The following NRXN1 variants were observed in gnomAD, a reference collection of about 807,000 sequenced individuals.
NRXN1 encodes the protein neurexin-1.
A neutral mutation model predicts 150.9 loss-of-function variants in NRXN1; 39 were observed. The observed-to-expected ratio is 0.26, with a 90% CI of 0.20 to 0.34. NRXN1 has a LOEUF of 0.34. Among genes scored for constraint, NRXN1 ranks in the 10% least tolerant of loss-of-function variants. The pLI is 1.00. For missense variants in NRXN1, 1,815 were observed against 1,949.9 expected (o/e 0.93, Z 1.30); for synonymous variants, 924 against 757.0 (o/e 1.22, Z -3.62).
intron 5 of NRXN1, among the ~76,000 whole-genome samples, chr2:50,891,528 C>T (rs1389357757): frequency 6.6e-6 from 1 of 152,028 alleles, no homozygotes; most frequent in African/African-American, 2.4e-5. Flanking sequence ...GAGGATTATG[C>T]TGTTTGAAAG....
chr2:50,706,230 G>T (rs866146106), intron 5 of NRXN1, among the ~76,000 whole-genome samples: 2 of 152,114 alleles, frequency 1.3e-5, no homozygotes, highest in Admixed American at 6.5e-5. Context: ...AGTAATGTAA[G>T]TGAACTCTCA....
chr2:50,702,432 A>G (rs1693877149), intron 5 of NRXN1, among the ~76,000 whole-genome samples: 1 of 152,154 alleles, frequency 6.6e-6, no homozygotes, highest in Admixed American at 6.5e-5. Context: ...ATCTGAAAGA[A>G]TGACAAATAG....
intron 17 of NRXN1, among the ~76,000 whole-genome samples, chr2:50,316,622 C>A (rs1162137507): frequency 6.6e-6 from 1 of 152,092 alleles, no homozygotes; most frequent in East Asian, 1.9e-4. Flanking sequence ...ATGAAACCCA[C>A]TCTTAAAGGT....
rs1176656152 is a variant in NRXN1 at position 50,531,260 on chromosome 2, C to A, written c.2314G>T (p.Asp772Tyr). The A allele has an allele frequency of 1.2e-6, 2 of 1,613,406 alleles. No homozygotes were observed. Among genetic ancestry groups the A allele is most frequent in the Admixed American group, 1.7e-5 (1 of 59,950 alleles). The change falls in exon 11 of 23, where the codon GAC (aspartate) becomes TAC (tyrosine). Residue 772 changes from aspartate to tyrosine, a missense_variant. This residue lies in a region of NRXN1 where 638 missense variants were observed against 652.6 expected (regional missense o/e 0.98). Coordinates refer to ENST00000401669, the MANE Select transcript of NRXN1 (RefSeq NM_001330078.2). ...DSADTLRLEL[D>Y]AGRVKLTVNL... ...ACCGTCAGTTTCACACGTCCTGCGTCTAGCTCCAGGCGGAGGGTGTCAGCA... is the reference window on the plus strand; with the variant it reads ...ACCGTCAGTTTCACACGTCCTGCGTATAGCTCCAGGCGGAGGGTGTCAGCA...
chr2:50,576,165 G>A lies in NRXN1; in HGVS notation c.1321-23140C>T, dbSNP rs554202662. ...CAGAAAAGTCTTTATTTTGTAAAGA[G>A]ATATCCACACATATGCACATAGTTA... On this transcript the variant is annotated intron_variant, in intron 8 of 22. Transcript: ENST00000401669. Among the ~76,000 whole-genome samples, 4 of 152,204 alleles carry A rather than the reference G, an allele frequency of 2.6e-5. No homozygotes were observed. The South Asian group carries it at 8.3e-4, about 32-fold the overall frequency.
At chr2:50,894,034 G>A (rs1324595125) in intron 5 of NRXN1, among the ~76,000 whole-genome samples, 1 of 151,662 alleles carries the variant, frequency 6.6e-6, no homozygotes, top group Non-Finnish European at 1.5e-5. Context: ...CCAAGTCTTT[G>A]CTATTGTGAA....
intron 5 of NRXN1, among the ~76,000 whole-genome samples, chr2:50,753,231 T>G (rs184299685): frequency 6.6e-6 from 1 of 151,970 alleles, no homozygotes; most frequent in Admixed American, 6.6e-5. Flanking sequence ...AATATGGTTA[T>G]AATTGTAGAA....
chr2:50,158,064 A>AGTGT (rs71401060), intron 18 of NRXN1, among the ~76,000 whole-genome samples: 11,685 of 133,904 alleles, frequency 0.087, 555 homozygotes, highest in East Asian at 0.12. Flanking sequence ...TAAGAAGTTG[A>AGTGT]GTGTGTGTGT....
intron 17 of NRXN1, among the ~76,000 whole-genome samples, chr2:50,268,830 AC>A (rs568675222): frequency 5.1e-4 from 77 of 152,266 alleles, no homozygotes; most frequent in Admixed American, 9.8e-4. Flanking sequence ...CTAGCCAATT[AC>A]TTGACAAAGC....
intron 17 of NRXN1, among the ~76,000 whole-genome samples, chr2:50,379,695 C>A (rs1356396303): frequency 3.3e-5 from 5 of 151,856 alleles, no homozygotes; most frequent in Admixed American, 1.3e-4. Flanking sequence ...TATTAACGTG[C>A]AATTTAGAAA....
intron 18 of NRXN1, among the ~76,000 whole-genome samples, chr2:50,198,956 C>T (rs1321629703): frequency 2.0e-5 from 3 of 152,054 alleles, no homozygotes; most frequent in Admixed American, 6.6e-5. Context: ...GCTGACACTC[C>T]CCAGTAGCTG....
intron 17 of NRXN1, among the ~76,000 whole-genome samples, chr2:50,247,718 T>C (rs1329946381): frequency 2.0e-5 from 3 of 152,044 alleles, no homozygotes; most frequent in Admixed American, 6.6e-5. Context: ...ACTAAGAAGA[T>C]ATGACAACTT....
intron 3 of NRXN1, among the ~76,000 whole-genome samples, chr2:50,924,609 A>G (rs1454687295): frequency 6.6e-6 from 1 of 151,748 alleles, no homozygotes; most frequent in African/African-American, 2.4e-5. Context: ...TTAGGCCTGC[A>G]GGGTAATATA....
chr2:50,979,133 T>G (rs1042626349), intron 2 of NRXN1: 11 of 377,070 alleles, frequency 2.9e-5, no homozygotes, highest in South Asian at 2.1e-4. Context: ...TAGAGAATAT[T>G]TAAAACCTTG....
At chr2:49,940,817 T>C (rs892031561) in intron 22 of NRXN1, among the ~76,000 whole-genome samples, 4 of 152,186 alleles carry the variant, frequency 2.6e-5, no homozygotes, top group Non-Finnish European at 5.9e-5. Context: ...ATTTATGGCA[T>C]ATATTATCAA....
At chr2:50,069,681 T>C (rs1289074554) in intron 19 of NRXN1, among the ~76,000 whole-genome samples, 4 of 152,118 alleles carry the variant, frequency 2.6e-5, no homozygotes, top group Non-Finnish European at 5.9e-5. Flanking sequence ...TTTCATGTTT[T>C]AAGCTTGTCT....
At chr2:50,495,556 T>C (rs547667142) in intron 15 of NRXN1, among the ~76,000 whole-genome samples, 1 of 152,238 alleles carries the variant, frequency 6.6e-6, no homozygotes, top group Admixed American at 6.5e-5. Context: ...TAAGCTCCTA[T>C]ATATCTGGTT....
chr2:50,326,195 T>G (rs376808720), intron 17 of NRXN1, among the ~76,000 whole-genome samples: 3 of 152,136 alleles, frequency 2.0e-5, no homozygotes. Context: ...ATTTAACACA[T>G]GGATTAATGT....
intron 17 of NRXN1, among the ~76,000 whole-genome samples, chr2:50,240,854 G>A (rs756059192): frequency 2.6e-5 from 4 of 151,616 alleles, no homozygotes; most frequent in African/African-American, 4.8e-5. Context: ...ATAAATTTTA[G>A]AGAGAATAGG....
Sources: gnomAD v4.1 joint callset for allele counts (sites outside exome capture counted in the v4.1 genomes callset) on GRCh38, gnomAD v4.1.1 for gene constraint, gnomAD v4.1.1 regional missense constraint, MANE v1.5 for transcripts, NCBI Gene and HGNC (gene_info 2026-07-23, HGNC 2026-07-21) for gene names.